Variants in CNTNAP3B observed in about 807,000 individuals in gnomAD.
CNTNAP3B encodes the protein contactin-associated protein-like 3B.
In CNTNAP3B, 25 loss-of-function variants were observed where a neutral mutation model predicts 108.9. The ratio of observed to expected loss-of-function variants is 0.23; its 90% CI spans 0.17 to 0.32. The LOEUF (loss-of-function observed/expected upper bound fraction) is 0.32, where lower values mean the gene tolerates loss of function less well. CNTNAP3B is among the 10% of genes least tolerant of loss of function. The probability of loss-of-function intolerance (pLI) is 1.00; values close to 1 mark genes in which losing one functional copy is unlikely to be tolerated. For synonymous variants in CNTNAP3B, 103 were observed against 473.4 expected, an observed-to-expected ratio of 0.22 and a Z score of 10.16; for missense variants, 252 against 1,210.4, an observed-to-expected ratio of 0.21 and a Z score of 11.75.
intron 13 of CNTNAP3B, 60 bp downstream of exon 13, chr9:41,953,123 C>A (rs1338419234): frequency 4.8e-6 from 7 of 1,448,614 alleles, no homozygotes; most frequent in Admixed American, 2.8e-5. Flanking sequence ...AGGCATCTCG[C>A]AGCCCGAGGG....
intron 12 of CNTNAP3B, chr9:41,960,035 G>A (rs1380055093): frequency 7.5e-6 from 1 of 133,894 alleles, no homozygotes; most frequent in African/African-American, 2.9e-5. Flanking sequence ...GTCTTGCTCT[G>A]TCGCCAGGCT....
rs1828507085 is a variant in CNTNAP3B at position 42,123,546 on chromosome 9, A to C, written c.85+5464T>G. On this transcript the variant is annotated intron_variant, in intron 1 of 23. Coordinates refer to ENST00000377561, the MANE Select transcript of CNTNAP3B (RefSeq NM_001201380.3). ...CTAGTGTTCCATAAACATTGACTTTACATGAAAAGGACAGTGAAGAGATCT... is the reference window on the plus strand; with the variant it reads ...CTAGTGTTCCATAAACATTGACTTTCCATGAAAAGGACAGTGAAGAGATCT... Among the ~76,000 whole-genome samples the C allele has an allele frequency of 2.4e-5, 3 of 123,694 alleles. 1 individual carries two copies. The highest frequency in any genetic ancestry group is 5.0e-5 in the Non-Finnish European group (3 of 59,692). The allele number at this position is 123,694 out of a possible 152,430, so 81.1% of individuals were successfully genotyped here. A position where few individuals can be genotyped will look rare whatever the true frequency, so the allele number is the denominator to read the frequency against.
chr9:41,939,380 C>T (rs1464340490), intron 13 of CNTNAP3B, among the ~76,000 whole-genome samples: 4 of 152,302 alleles, frequency 2.6e-5, no homozygotes, highest in Admixed American at 6.5e-5. Context: ...GAATATGAAT[C>T]GAGATCTGGA....
At chr9:42,071,970 T>G (rs1827387276) in intron 3 of CNTNAP3B, among the ~76,000 whole-genome samples, 1 of 149,450 alleles carries the variant, frequency 6.7e-6, no homozygotes, top group Non-Finnish European at 1.5e-5. Context: ...TGTGACTATT[T>G]GACATCCGAA....
At chr9:41,926,600 T>C (rs1236020016) in intron 15 of CNTNAP3B, 3 of 152,318 alleles carry the variant, frequency 2.0e-5, no homozygotes, top group Non-Finnish European at 4.4e-5. Context: ...TTGCTGGGAC[T>C]ACAGGCCACC....
In CNTNAP3B at chr9:42,085,922, A is replaced by G. The variant is rs574790569; in HGVS notation, c.197-8860T>C. Among the ~76,000 whole-genome samples the G allele has an allele frequency of 3.5e-4, 51 of 145,496 alleles. 4 individuals are homozygous for G. Among genetic ancestry groups the G allele is most frequent in the African/African-American group, 1.3e-3 (50 of 37,584 alleles). On this transcript the variant is annotated intron_variant, in intron 2 of 23. Transcript: ENST00000377561. ...TTATTACTAAATAGCAACCAGTTCA[A>G]TGAATATGCCACATTGTGGTTATCC...
chr9:42,062,942 C>A (rs1319532853), intron 3 of CNTNAP3B, among the ~76,000 whole-genome samples: 2 of 97,762 alleles, frequency 2.0e-5, no homozygotes, highest in African/African-American at 3.8e-5. Flanking sequence ...TACCCACCCA[C>A]ACTTTATGTT....
chr9:42,055,488 A>G (rs1007176972), intron 3 of CNTNAP3B, among the ~76,000 whole-genome samples: 2 of 144,408 alleles, frequency 1.4e-5, no homozygotes, highest in African/African-American at 5.4e-5. Flanking sequence ...TAACATATTT[A>G]CCATTATATT....
intron 2 of CNTNAP3B, among the ~76,000 whole-genome samples, chr9:42,099,807 T>G (rs1587272072): frequency 1.2e-5 from 1 of 86,244 alleles, no homozygotes; most frequent in South Asian, 4.0e-4. Context: ...AACACACGGG[T>G]TATCCTTGCA....
intron 13 of CNTNAP3B, among the ~76,000 whole-genome samples, chr9:41,939,503 C>CAA (rs1212480701): frequency 3.2e-4 from 48 of 152,204 alleles, no homozygotes; most frequent in South Asian, 2.7e-3. Flanking sequence ...TGCCAAAAAA[C>CAA]AAAAAAAACA....
chr9:41,930,813 C>A (rs1239300915), intron 14 of CNTNAP3B, among the ~76,000 whole-genome samples: 27 of 152,254 alleles, frequency 1.8e-4, no homozygotes, highest in African/African-American at 6.0e-4. Context: ...TTGTCTCTGG[C>A]CAAAATAAAG....
chr9:41,997,820 TCA>T (rs1825933020), intron 5 of CNTNAP3B, 68 bp from the exon 6 acceptor site: 4 of 1,367,156 alleles, frequency 2.9e-6, no homozygotes, highest in Non-Finnish European at 2.0e-6. Context: ...TAGTTGAGCA[TCA>T]CAGTTTGCAT....
At chr9:41,979,944 C>CTTTTTTT (rs1214654461) in intron 9 of CNTNAP3B, 1 of 42,388 alleles carries the variant, frequency 2.4e-5, no homozygotes, top group African/African-American at 1.4e-4. Flanking sequence ...TTGAGGAAAC[C>CTTTTTTT]TTTTTTTTTT....
intron 3 of CNTNAP3B, among the ~76,000 whole-genome samples, chr9:42,064,947 G>A (rs1450171953): frequency 2.7e-5 from 4 of 149,648 alleles, no homozygotes; most frequent in Non-Finnish European, 4.4e-5. Flanking sequence ...TTGGTAGAAT[G>A]ATTAGATTTC....
At chr9:41,967,079 A>G (rs1218511367) in intron 10 of CNTNAP3B, among the ~76,000 whole-genome samples, 1 of 149,868 alleles carries the variant, frequency 6.7e-6, no homozygotes, top group Non-Finnish European at 1.5e-5. Context: ...TGACTAAAAA[A>G]GATAACTTCA....
At chr9:41,934,866 A>G (rs1824107231) in intron 14 of CNTNAP3B, among the ~76,000 whole-genome samples, 1 of 152,292 alleles carries the variant, frequency 6.6e-6, no homozygotes, top group Admixed American at 6.5e-5. Context: ...ATGCATTTAA[A>G]CCATCTTATT....
At chr9:41,993,565 G>A (rs1203565595) in intron 7 of CNTNAP3B, 12 of 107,244 alleles carry the variant, frequency 1.1e-4, no homozygotes, top group African/African-American at 3.0e-4. Context: ...GCGCTGATCC[G>A]TAGTACACAT....
intron 3 of CNTNAP3B, among the ~76,000 whole-genome samples, chr9:42,037,550 T>A (rs534538611): frequency 8.0e-6 from 1 of 125,088 alleles, no homozygotes; most frequent in South Asian, 2.6e-4. Context: ...ACCAAATGAA[T>A]GAAATGAAGC....
At chr9:41,924,748 C>T (rs1220127089) in intron 15 of CNTNAP3B, among the ~76,000 whole-genome samples, 3 of 152,282 alleles carry the variant, frequency 2.0e-5, no homozygotes, top group South Asian at 2.1e-4. Flanking sequence ...TTATTTGTTC[C>T]CTTCTGTCCA....
Sources: allele counts gnomAD v4.1 joint callset (sites outside exome capture counted in the v4.1 genomes callset), GRCh38; gene constraint gnomAD v4.1.1; transcripts MANE v1.5; gene names NCBI Gene and HGNC (gene_info 2026-07-23, HGNC 2026-07-21).